The following EPHX2 variants were observed in gnomAD, a reference collection of about 807,000 sequenced individuals.
EPHX2 encodes the protein bifunctional epoxide hydrolase 2.
In EPHX2, 74 loss-of-function variants were observed where a neutral mutation model predicts 78.7. That is an observed-to-expected ratio of 0.94 (90% confidence interval 0.78 to 1.14). The LOEUF is 1.14. Among genes scored for constraint, EPHX2 ranks in the 50% most tolerant of loss-of-function variants. EPHX2 has a pLI of 0.00. For synonymous variants in EPHX2, 251 were observed against 255.2 expected (o/e 0.98, Z 0.16); for missense variants, 715 against 702.5 (o/e 1.02, Z -0.20).
At chr8:27,522,540 G>A (rs756284515) in intron 11 of EPHX2, 32 bp downstream of exon 11, 5 of 1,605,632 alleles carry the variant, frequency 3.1e-6, no homozygotes, top group Non-Finnish European at 1.7e-6. Context: ...AAGATTTGGA[G>A]GAGGCTGGAC....
chr8:27,500,611 T>C (rs113378773), intron 1 of EPHX2, among the ~76,000 whole-genome samples: 1 of 152,154 alleles, frequency 6.6e-6, no homozygotes, highest in Non-Finnish European at 1.5e-5. Context: ...AGGACAGTAA[T>C]GGCCGCGTGC....
At chr8:27,508,327 A>T (rs990676279) in intron 5 of EPHX2, among the ~76,000 whole-genome samples, 1 of 152,210 alleles carries the variant, frequency 6.6e-6, no homozygotes, top group Non-Finnish European at 1.5e-5. Flanking sequence ...ACAAAAAAGT[A>T]TTGGCACTAA....
intron 1 of EPHX2, among the ~76,000 whole-genome samples, chr8:27,495,241 AT>A (rs760328097): frequency 6.6e-6 from 1 of 151,580 alleles, no homozygotes; most frequent in African/African-American, 2.4e-5. Flanking sequence ...ATACACATTT[AT>A]TTTTTTTTCT....
rs527648958 is a variant in EPHX2 at position 27,505,874 on chromosome 8, A to G, written c.537+728A>G. Among the ~76,000 whole-genome samples, 3 of 152,310 alleles carry G rather than the reference A, an allele frequency of 2.0e-5. No individual in the cohort carries two copies. In the South Asian group the frequency reaches 6.2e-4, roughly 32 times the overall value. On this transcript the variant is annotated intron_variant, in intron 4 of 18. Coordinates refer to ENST00000521400, the MANE Select transcript of EPHX2 (RefSeq NM_001979.6). ...TTCCTATCGATGGCTTCCAGGTTGG[A>G]TGAGCTGCTTAGAATTCTAGACTTC...
chr8:27,516,660 C>T (rs530908934), intron 8 of EPHX2, among the ~76,000 whole-genome samples: 11 of 152,216 alleles, frequency 7.2e-5, no homozygotes, highest in Admixed American at 1.3e-4. Context: ...TGGGGGATGG[C>T]GGACATAGAA....
intron 12 of EPHX2, among the ~76,000 whole-genome samples, chr8:27,529,133 G>A (rs941658121): frequency 6.6e-6 from 1 of 152,150 alleles, no homozygotes; most frequent in South Asian, 2.1e-4. Flanking sequence ...TGCAGGGTGA[G>A]GCTTAGACTA....
chr8:27,521,992 A>T (rs1465497816), intron 10 of EPHX2, among the ~76,000 whole-genome samples: 1 of 152,210 alleles, frequency 6.6e-6, no homozygotes, highest in East Asian at 1.9e-4. Flanking sequence ...GAGATTAAAG[A>T]TGCTTTGGGA....
At chr8:27,519,498 G>A (rs531145071) in intron 9 of EPHX2, among the ~76,000 whole-genome samples, 3 of 152,304 alleles carry the variant, frequency 2.0e-5, no homozygotes, top group Admixed American at 2.0e-4. Context: ...CCAGTAAAGA[G>A]CCCAGGCTTG....
intron 12 of EPHX2, among the ~76,000 whole-genome samples, chr8:27,530,975 C>T (rs1439331824): frequency 6.6e-6 from 1 of 151,920 alleles, no homozygotes; most frequent in Non-Finnish European, 1.5e-5. Context: ...GTTGGTCAGG[C>T]TGGTCTCGAA....
chr8:27,538,228 T>C (rs1352769717), intron 13 of EPHX2, among the ~76,000 whole-genome samples: 1 of 152,178 alleles, frequency 6.6e-6, no homozygotes, highest in African/African-American at 2.4e-5. Context: ...GGATTTTTTT[T>C]CTAATCAATT....
rs539066481 is a variant in EPHX2 at position 27,506,996 on chromosome 8, T to C, written c.660+2T>C. The C allele has an allele frequency of 3.3e-5, 54 of 1,613,548 alleles. 1 individual carries two copies. The South Asian group carries it at 5.7e-4, about 17-fold the overall frequency. On this transcript the variant is annotated splice_donor_variant, in intron 5 of 18. Transcript: ENST00000521400. LOFTEE classifies it high-confidence loss of function. ...CTGGAGAAAGTGACCGGAATCCAGGTAACTTGACTTCTGAGCGAGCCAAGC... is the reference window on the plus strand; with the variant it reads ...CTGGAGAAAGTGACCGGAATCCAGGCAACTTGACTTCTGAGCGAGCCAAGC...
At chr8:27,506,700 G>A (rs1416787178) in intron 4 of EPHX2, among the ~76,000 whole-genome samples, 172 bp from the exon 5 acceptor site, 3 of 152,060 alleles carry the variant, frequency 2.0e-5, no homozygotes, top group Non-Finnish European at 2.9e-5. Flanking sequence ...GTCTGTGTGG[G>A]GTCATATGTG....
intron 8 of EPHX2, among the ~76,000 whole-genome samples, chr8:27,517,799 G>C (rs978615998): frequency 6.6e-6 from 1 of 152,166 alleles, no homozygotes; most frequent in South Asian, 2.1e-4. Context: ...AAAACACAGG[G>C]GGAAAGCTTG....
intron 1 of EPHX2, among the ~76,000 whole-genome samples, chr8:27,494,420 A>G (rs10107254): frequency 0.12 from 18,203 of 152,250 alleles, 1,206 homozygotes; most frequent in African/African-American, 0.19. Context: ...GACCATTGTC[A>G]CTTTGTAAGC....
chr8:27,548,244 A>G (rs1238376291), downstream of EPHX2, among the ~76,000 whole-genome samples: 1 of 152,220 alleles, frequency 6.6e-6, no homozygotes, highest in East Asian at 1.9e-4. Flanking sequence ...AGACCTTGAC[A>G]TGACTGTCCA....
intron 12 of EPHX2, among the ~76,000 whole-genome samples, chr8:27,532,414 T>C (rs1382275088): frequency 6.6e-6 from 1 of 152,250 alleles, no homozygotes; most frequent in Non-Finnish European, 1.5e-5. Flanking sequence ...CTGCCTGCTC[T>C]GGATAGGGGC....
chr8:27,513,261 G>A lies in EPHX2; in HGVS notation c.735+1351G>A, dbSNP rs149582517. Among the ~76,000 whole-genome samples the A allele has an allele frequency of 3.2e-3, 483 of 152,254 alleles. 2 individuals are homozygous for A. Among genetic ancestry groups the A allele is most frequent in the African/African-American group, 0.01 (419 of 41,548 alleles). On this transcript the variant is annotated intron_variant, in intron 6 of 18. Transcript: ENST00000521400. ...CTGGGACTTAAAGCTACTGCTCAGCGCCACTGACATCCCTTCTATAACTCT... is the reference window on the plus strand; with the variant it reads ...CTGGGACTTAAAGCTACTGCTCAGCACCACTGACATCCCTTCTATAACTCT...
At position 27,544,462 on chromosome 8, in the gene EPHX2, G is replaced by C. The variant is rs773428885; in HGVS notation, c.1608G>C (p.Gln536His). Reference sequence around the variant, plus strand: ...CCCCCAGGCCAACCGAGGTGAATCAGATCCTCATTAAGTGGCTGGATTCTG... The same window carrying C: ...CCCCCAGGCCAACCGAGGTGAATCACATCCTCATTAAGTGGCTGGATTCTG... ...TQMDKPTEVN[Q>H]ILIKWLDSDA... Residue 536 changes from glutamine to histidine, a missense_variant, in exon 19 of 19, where the codon CAG (glutamine) becomes CAC (histidine). Physicochemically the swap from Gln to His is conservative, Grantham distance 24 (BLOSUM62 0). Coordinates refer to ENST00000521400, the MANE Select transcript of EPHX2 (RefSeq NM_001979.6). The C allele has an allele frequency of 1.1e-5, 17 of 1,614,044 alleles. No homozygotes were observed. In the South Asian group the frequency reaches 1.9e-4, roughly 18 times the overall value.
intron 1 of EPHX2, among the ~76,000 whole-genome samples, chr8:27,493,657 TTAGTGTTGGGA>T: frequency 6.6e-6 from 1 of 152,136 alleles, no homozygotes; most frequent in African/African-American, 2.4e-5. Flanking sequence ...TGTGGCATTG[TTAGTGTTGGGA>T]CTTAGGAGAA....
Sources: gnomAD v4.1 joint callset for allele counts (sites outside exome capture counted in the v4.1 genomes callset) on GRCh38, gnomAD v4.1.1 for gene constraint, MANE v1.5 for transcripts, NCBI Gene and HGNC (gene_info 2026-07-23, HGNC 2026-07-21) for gene names.